LRP12: variants seen among roughly 807,000 people sequenced by gnomAD.
The protein encoded by LRP12 is low-density lipoprotein receptor-related protein 12.
In LRP12, 14 loss-of-function variants were observed where a neutral mutation model predicts 66.0. The ratio of observed to expected loss-of-function variants is 0.21; its 90% confidence interval spans 0.14 to 0.33. LRP12 has a LOEUF of 0.33. Ranked by LOEUF, LRP12 falls within the 10% of genes least tolerant of loss-of-function variation. The pLI is 1.00. For synonymous variants in LRP12, 357 were observed against 359.1 expected (o/e 0.99, Z 0.07); for missense variants, 889 against 1,053.4 (o/e 0.84, Z 2.16).
intron 1 of LRP12, among the ~76,000 whole-genome samples, chr8:104,586,353 GTCATT>G (rs1015979100): frequency 1.3e-5 from 2 of 152,198 alleles, no homozygotes; most frequent in South Asian, 2.1e-4. Context: ...ACACCTTAGA[GTCATT>G]TCATTTAAGA....
At position 104,544,323 on chromosome 8, in the gene LRP12, C is replaced by G. The variant is rs186967443; in HGVS notation, c.80-12360G>C. On this transcript the variant is annotated intron_variant, in intron 1 of 6. Transcript: ENST00000276654. ...AAGCACTCTACATAACATAAAAGTG[C>G]AAGGTGAGGCTGTAAGTACTGATGG... is the stretch of plus-strand genomic sequence containing the variant. 1.2e-4 allele frequency among the ~76,000 whole-genome samples: 19 copies of G among 152,254 alleles called. No individual in the cohort carries two copies. The East Asian group carries it at 3.1e-3, about 25-fold the overall frequency.
intron 1 of LRP12, among the ~76,000 whole-genome samples, chr8:104,578,430 G>A (rs1340390826): frequency 3.3e-5 from 5 of 151,986 alleles, no homozygotes; most frequent in African/African-American, 7.2e-5. Context: ...ATGCCCAGAT[G>A]GATTCACAGC....
chr8:104,540,370 A>C (rs896467353), intron 1 of LRP12, among the ~76,000 whole-genome samples: 2 of 152,162 alleles, frequency 1.3e-5, no homozygotes, highest in African/African-American at 4.8e-5. Context: ...TGGTAGTCCA[A>C]ATAGACTCAT....
chr8:104,501,514 A>G (rs554709391), intron 3 of LRP12, among the ~76,000 whole-genome samples: 1 of 152,186 alleles, frequency 6.6e-6, no homozygotes, highest in South Asian at 2.1e-4. Flanking sequence ...AGCCTGGCCA[A>G]CCAAAATGGT....
chr8:104,552,291 T>G (rs1281368983), intron 1 of LRP12, among the ~76,000 whole-genome samples: 1 of 152,146 alleles, frequency 6.6e-6, no homozygotes, highest in Non-Finnish European at 1.5e-5. Flanking sequence ...AAATTTACCA[T>G]TTTTGATCTT....
At position 104,491,352 on chromosome 8, in the gene LRP12, GTACTCT is replaced by G; in HGVS notation, c.1895_1900del (p.Gln632_Thr634delinsPro). The G allele has an allele frequency of 6.2e-7, 1 of 1,613,932 alleles. No homozygotes were observed. The highest frequency in any genetic ancestry group is 1.1e-5 in the South Asian group (1 of 91,076). Reference sequence around the variant, plus strand: ...ATGATTTCTCTCAGGTTCTCTACTGGTACTCTGACTAGGGACAACCTCATCTCCATC... The same window carrying G: ...ATGATTTCTCTCAGGTTCTCTACTGGGACTAGGGACAACCTCATCTCCATC... On this transcript the variant is annotated inframe_deletion, in exon 7 of 7. Coordinates refer to ENST00000276654, the MANE Select transcript of LRP12 (RefSeq NM_013437.5).
intron 1 of LRP12, among the ~76,000 whole-genome samples, chr8:104,564,786 A>G (rs893790222): frequency 6.6e-6 from 1 of 152,060 alleles, no homozygotes; most frequent in African/African-American, 2.4e-5. Flanking sequence ...TCCAAAAATT[A>G]GCTGGGCATG....
intron 1 of LRP12, among the ~76,000 whole-genome samples, chr8:104,574,219 G>A (rs145280614): frequency 4.6e-5 from 7 of 151,966 alleles, no homozygotes; most frequent in African/African-American, 1.2e-4. Flanking sequence ...TGTTATTTAC[G>A]GTAATATGTA....
intron 6 of LRP12, among the ~76,000 whole-genome samples, chr8:104,493,438 A>T (rs938739559): frequency 1.3e-5 from 2 of 152,240 alleles, no homozygotes; most frequent in Non-Finnish European, 2.9e-5. Context: ...ATAACCTGAG[A>T]AACTGGGGTA....
At chr8:104,532,424 C>A (rs185194421) in intron 1 of LRP12, among the ~76,000 whole-genome samples, 46 of 150,092 alleles carry the variant, frequency 3.1e-4, no homozygotes, top group African/African-American at 1.1e-3. Flanking sequence ...TCAAAAAAAT[C>A]TTTCAAATTT....
chr8:104,549,069 A>C (rs924598903), intron 1 of LRP12, among the ~76,000 whole-genome samples: 1 of 152,146 alleles, frequency 6.6e-6, no homozygotes, highest in Non-Finnish European at 1.5e-5. Flanking sequence ...CTTTGCTTCA[A>C]CTTCAGACCT....
intron 1 of LRP12, among the ~76,000 whole-genome samples, chr8:104,547,563 A>G (rs1266590782): frequency 2.4e-5 from 3 of 125,738 alleles, no homozygotes; most frequent in Non-Finnish European, 4.7e-5. Flanking sequence ...CATATTATAT[A>G]TTAATAATTA....
At chr8:104,551,487 C>T (rs868571376) in intron 1 of LRP12, among the ~76,000 whole-genome samples, 1 of 152,010 alleles carries the variant, frequency 6.6e-6, no homozygotes. Context: ...AGCATAGTAC[C>T]CAACAGGTAG....
At chr8:104,580,358 T>TACAAAAAAAA (rs1554712302) in intron 1 of LRP12, among the ~76,000 whole-genome samples, 4 of 92,172 alleles carry the variant, frequency 4.3e-5, no homozygotes, top group Admixed American at 1.2e-4. Context: ...CTACTAAAAA[T>TACAAAAAAAA]AAAAAAAAAA....
chr8:104,573,593 T>A (rs1278137970), intron 1 of LRP12, among the ~76,000 whole-genome samples: 1 of 152,070 alleles, frequency 6.6e-6, no homozygotes. Flanking sequence ...CCCTCGGCAT[T>A]TATTAGTACA....
chr8:104,494,723 C>G (rs573099343), intron 6 of LRP12, among the ~76,000 whole-genome samples: 1 of 152,222 alleles, frequency 6.6e-6, no homozygotes, highest in South Asian at 2.1e-4. Context: ...AGTGGTTAAT[C>G]TAGCATGTTA....
chr8:104,587,865 G>C (rs950002274), intron 1 of LRP12, among the ~76,000 whole-genome samples: 1 of 152,176 alleles, frequency 6.6e-6, no homozygotes, highest in Non-Finnish European at 1.5e-5. Context: ...ACTCCAAAAA[G>C]GAAAGGTTAA....
chr8:104,533,219 G>C (rs80233044), intron 1 of LRP12, among the ~76,000 whole-genome samples: 6,171 of 152,042 alleles, frequency 0.041, 191 homozygotes, highest in South Asian at 0.076. Flanking sequence ...GCCAAAAAAG[G>C]CACAATTTCT....
chr8:104,571,346 G>T (rs1031252470), intron 1 of LRP12, among the ~76,000 whole-genome samples: 1 of 152,132 alleles, frequency 6.6e-6, no homozygotes, highest in African/African-American at 2.4e-5. Context: ...GATAAGGTCT[G>T]CCTATGTCCC....
Sources: gnomAD v4.1 joint callset for allele counts (sites outside exome capture counted in the v4.1 genomes callset) on GRCh38, gnomAD v4.1.1 for gene constraint, MANE v1.5 for transcripts, NCBI Gene and HGNC (gene_info 2026-07-23, HGNC 2026-07-21) for gene names.